EPB41L4A: variants seen among roughly 807,000 people sequenced by gnomAD.
EPB41L4A encodes erythrocyte membrane protein band 4.1 like 4A, also known as band 4.1-like protein 4A.
EPB41L4A carries 100 observed loss-of-function variants against 108.6 expected under a neutral mutation model. The ratio of observed to expected loss-of-function variants is 0.92; its 90% CI spans 0.78 to 1.09. EPB41L4A has a LOEUF of 1.09. Ranked by LOEUF, EPB41L4A falls within the 50% of genes least tolerant of loss-of-function variation. EPB41L4A has a pLI of 0.00. For missense variants in EPB41L4A, 1,030 were observed against 842.7 expected, an observed-to-expected ratio of 1.22 and a Z score of -2.75; for synonymous variants, 319 against 289.0, an observed-to-expected ratio of 1.10 and a Z score of -1.05.
At chr5:112,176,399 G>A (rs1165939619) in intron 18 of EPB41L4A, among the ~76,000 whole-genome samples, 2 of 152,128 alleles carry the variant, frequency 1.3e-5, no homozygotes, top group Non-Finnish European at 2.9e-5. Context: ...TTGTCCACCT[G>A]ACATTTCCAT....
At chr5:112,202,950 C>T (rs1056516430) in intron 15 of EPB41L4A, among the ~76,000 whole-genome samples, 1 of 152,170 alleles carries the variant, frequency 6.6e-6, no homozygotes, top group Non-Finnish European at 1.5e-5. Context: ...TGCCTGTAAT[C>T]CCAGCAATTT....
intron 1 of EPB41L4A, among the ~76,000 whole-genome samples, chr5:112,317,411 T>C (rs1223047641): frequency 6.6e-6 from 1 of 152,180 alleles, no homozygotes; most frequent in Non-Finnish European, 1.5e-5. Flanking sequence ...AGAATAGCAG[T>C]TTGGCTAGAG....
At chr5:112,216,842 T>G (rs1747679008) in intron 12 of EPB41L4A, among the ~76,000 whole-genome samples, 1 of 152,222 alleles carries the variant, frequency 6.6e-6, no homozygotes, top group Non-Finnish European at 1.5e-5. Flanking sequence ...TTCACCAACT[T>G]TAGACTAGGT....
chr5:112,393,139 G>A (rs1054627068), intron 1 of EPB41L4A, among the ~76,000 whole-genome samples: 1 of 152,090 alleles, frequency 6.6e-6, no homozygotes, highest in Non-Finnish European at 1.5e-5. Context: ...GAGAAAGCAG[G>A]AAAGATCTAA....
chr5:112,204,766 TATG>T (rs1179905124), intron 14 of EPB41L4A: 9 of 289,262 alleles, frequency 3.1e-5, no homozygotes, highest in Middle Eastern at 1.1e-3. Context: ...AATTCATACA[TATG>T]ATGAATTTAG....
In EPB41L4A at chr5:112,184,015, C is replaced by T. The variant is rs1391319865; in HGVS notation, c.1622+1G>A. ...TCAAGGTATAAAAAGAGTCCACATA[C>T]GAACGAGATCTGTGTCTGGATCGCC... On this transcript the variant is annotated splice_donor_variant, in intron 18 of 22. Coordinates refer to ENST00000261486, the MANE Select transcript of EPB41L4A (RefSeq NM_022140.5). LOFTEE classifies it high-confidence loss of function. The T allele has an allele frequency of 5.6e-6, 9 of 1,613,830 alleles. No homozygotes were observed. Among genetic ancestry groups the T allele is most frequent in the African/African-American group, 1.3e-5 (1 of 74,926 alleles).
chr5:112,377,526 T>A (rs1439569185), intron 1 of EPB41L4A, among the ~76,000 whole-genome samples: 1 of 152,200 alleles, frequency 6.6e-6, no homozygotes, highest in Non-Finnish European at 1.5e-5. Context: ...TTTCATTTAC[T>A]GGCCATTTTC....
At position 112,162,879 on chromosome 5, in the gene EPB41L4A, A is replaced by T. The variant is rs1759997188; in HGVS notation, c.*2111T>A. 1 of 152,234 alleles carries T rather than the reference A, an allele frequency of 6.6e-6. No homozygotes were observed. Among genetic ancestry groups the T allele is most frequent in the South Asian group, 2.1e-4 (1 of 4,828 alleles). 9.4% of individuals were successfully genotyped at this position (152,234 alleles called of 1,614,324 possible). On this transcript the variant is annotated 3_prime_UTR_variant, in exon 23 of 23. Transcript: ENST00000261486. ...ACATATACAGAGGCTTGGGCTAGAA[A>T]AAAGATACCGTTAGTCCACTTACTT... is the stretch of plus-strand genomic sequence containing the variant.
At position 112,245,753 on chromosome 5, in the gene EPB41L4A, G is replaced by T. The variant is rs1267961424; in HGVS notation, c.796-4943C>A. Among the ~76,000 whole-genome samples, 4 of 152,206 alleles carry T rather than the reference G, an allele frequency of 2.6e-5. 1 individual carries two copies. In the East Asian group the frequency reaches 7.7e-4, roughly 29 times the overall value. On this transcript the variant is annotated intron_variant, in intron 9 of 22. Transcript: ENST00000261486. ...AGAGGGCACATCTACTCACACAGGT[G>T]ATCTCACCAAGTGAACAAGACTGCT...
chr5:112,223,663 C>T (rs1748241063), intron 12 of EPB41L4A, among the ~76,000 whole-genome samples: 1 of 152,208 alleles, frequency 6.6e-6, no homozygotes, highest in Non-Finnish European at 1.5e-5. Flanking sequence ...AGCCAATTCC[C>T]ACTGCTGACT....
chr5:112,285,993 C>T (rs190383385), intron 2 of EPB41L4A, among the ~76,000 whole-genome samples: 237 of 152,228 alleles, frequency 1.6e-3, no homozygotes, highest in Middle Eastern at 6.8e-3. Flanking sequence ...ATCTTACACT[C>T]GGGCCAAGCT....
At chr5:112,394,730 G>GA (rs1481685008) in intron 1 of EPB41L4A, among the ~76,000 whole-genome samples, 1 of 152,090 alleles carries the variant, frequency 6.6e-6, no homozygotes, top group East Asian at 1.9e-4. Flanking sequence ...CACAGAATTG[G>GA]AAAAAACTAC....
intron 1 of EPB41L4A, among the ~76,000 whole-genome samples, chr5:112,377,774 T>C (rs1759907961): frequency 6.6e-6 from 1 of 151,830 alleles, no homozygotes; most frequent in Non-Finnish European, 1.5e-5. Flanking sequence ...CTCAAACCCC[T>C]CTCTTCCCAG....
rs1759592682 is a variant in EPB41L4A, at chr5:112,154,746, A to G, written n.994+3655T>C. Among the ~76,000 whole-genome samples, 2 of 152,218 alleles carry G rather than the reference A, an allele frequency of 1.3e-5. 1 individual carries two copies. The highest frequency in any genetic ancestry group is 4.1e-4 in the South Asian group (2 of 4,832). The stretch of plus-strand genomic sequence containing the variant: ...AAATGTGGAGTGATTCATCATTGCT[A>G]AAGTGACATAAATGCTGGACATAAA... On this transcript the variant is annotated intron_variant and non_coding_transcript_variant, in intron 12 of 13. Coordinates refer to the EPB41L4A transcript ENST00000507810.
intron 13 of EPB41L4A, 60 bp downstream of exon 13, chr5:112,209,832 G>GA (rs1762645115): frequency 4.6e-6 from 5 of 1,082,052 alleles, no homozygotes; most frequent in Non-Finnish European, 6.9e-6. Flanking sequence ...CTTGTCTACA[G>GA]AAAAAAAGCA....
At chr5:112,184,855 G>T (rs11241151) in intron 17 of EPB41L4A, among the ~76,000 whole-genome samples, 9,093 of 152,208 alleles carry the variant, frequency 0.06, 424 homozygotes, top group Admixed American at 0.16. Flanking sequence ...TTTAAAAAAA[G>T]ATAATCCCCA....
intron 9 of EPB41L4A, among the ~76,000 whole-genome samples, chr5:112,255,340 T>C (rs559817082): frequency 6.6e-6 from 1 of 152,290 alleles, no homozygotes; most frequent in African/African-American, 2.4e-5. Flanking sequence ...ATTTGTTCAT[T>C]CCCCCGTTAA....
chr5:112,258,823 G>A (rs1751293265), intron 9 of EPB41L4A, among the ~76,000 whole-genome samples: 1 of 152,180 alleles, frequency 6.6e-6, no homozygotes, highest in African/African-American at 2.4e-5. Context: ...GCAGAAGTAA[G>A]ACTCCCAAAA....
chr5:112,285,205 AG>A (rs1753209475), intron 2 of EPB41L4A, among the ~76,000 whole-genome samples: 1 of 152,198 alleles, frequency 6.6e-6, no homozygotes, highest in African/African-American at 2.4e-5. Flanking sequence ...CATTTAATAA[AG>A]TTTCCTGTAG....
Sources: allele counts gnomAD v4.1 joint callset (sites outside exome capture counted in the v4.1 genomes callset), GRCh38; gene constraint gnomAD v4.1.1; transcripts MANE v1.5; gene names NCBI Gene and HGNC (gene_info 2026-07-23, HGNC 2026-07-21).